The following PITPNC1 variants were observed in gnomAD, a reference collection of about 807,000 sequenced individuals.
The protein encoded by PITPNC1 is cytoplasmic phosphatidylinositol transfer protein 1.
In PITPNC1, 18 loss-of-function variants were observed where a neutral mutation model predicts 44.7. The ratio of observed to expected loss-of-function variants is 0.40; its 90% CI spans 0.28 to 0.60. The LOEUF (loss-of-function observed/expected upper bound fraction) is 0.60. PITPNC1 is among the 20% of genes least tolerant of loss of function. The pLI, the probability that PITPNC1 is intolerant of heterozygous loss-of-function variation, is 0.39. For synonymous variants in PITPNC1, 141 were observed against 149.6 expected (o/e 0.94, Z 0.42); for missense variants, 290 against 418.4 (o/e 0.69, Z 2.68).
intron 1 of PITPNC1, among the ~76,000 whole-genome samples, chr17:67,382,192 T>C (rs1049148713): frequency 6.6e-6 from 1 of 152,224 alleles, no homozygotes; most frequent in Non-Finnish European, 1.5e-5. Flanking sequence ...TTTGACTTGC[T>C]ATAGACGGTA....
intron 5 of PITPNC1, among the ~76,000 whole-genome samples, chr17:67,588,580 C>T (rs140899881): frequency 9.2e-5 from 14 of 152,118 alleles, no homozygotes; most frequent in African/African-American, 3.4e-4. Context: ...GTAGCTGTCT[C>T]GGTTATCACA....
At chr17:67,415,189 A>T (rs1014543644) in intron 1 of PITPNC1, among the ~76,000 whole-genome samples, 1 of 152,130 alleles carries the variant, frequency 6.6e-6, no homozygotes, top group African/African-American at 2.4e-5. Flanking sequence ...CTCTTTGCAC[A>T]TTCTCTTGAT....
intron 5 of PITPNC1, among the ~76,000 whole-genome samples, chr17:67,619,387 GAC>G (rs2041801480): frequency 6.6e-6 from 1 of 152,062 alleles, no homozygotes; most frequent in African/African-American, 2.4e-5. Context: ...CTCCCTTCCC[GAC>G]ACCATGAATA....
intron 1 of PITPNC1, among the ~76,000 whole-genome samples, chr17:67,430,787 C>G (rs1322866084): frequency 2.7e-5 from 4 of 150,762 alleles, no homozygotes; most frequent in Non-Finnish European, 5.9e-5. Context: ...GACCCTGTCT[C>G]TACCAAAAAA....
At chr17:67,565,333 C>T (rs1248379936) in intron 4 of PITPNC1, among the ~76,000 whole-genome samples, 1 of 149,360 alleles carries the variant, frequency 6.7e-6, no homozygotes, top group Non-Finnish European at 1.5e-5. Context: ...CTAGTTTTTC[C>T]ATGTTTTTTC....
intron 1 of PITPNC1, among the ~76,000 whole-genome samples, chr17:67,491,146 C>A (rs996544965): frequency 1.4e-4 from 22 of 152,230 alleles, no homozygotes; most frequent in Non-Finnish European, 2.9e-4. Flanking sequence ...TCGGCTCAGC[C>A]TCTGGAGCCC....
At chr17:67,426,264 G>A (rs11651696) in intron 1 of PITPNC1, among the ~76,000 whole-genome samples, 70,387 of 151,894 alleles carry the variant, frequency 0.46, 16,841 homozygotes, top group Middle Eastern at 0.65. Flanking sequence ...CTGGGTATAT[G>A]CCCTAAGAAA....
At chr17:67,484,399 G>T (rs1477415589) in intron 1 of PITPNC1, among the ~76,000 whole-genome samples, 1 of 152,152 alleles carries the variant, frequency 6.6e-6, no homozygotes, top group East Asian at 1.9e-4. Context: ...GAAAGGTTTT[G>T]TTAGTCCAAA....
chr17:67,663,686 A>C (rs945904785), intron 6 of PITPNC1, among the ~76,000 whole-genome samples: 2 of 152,078 alleles, frequency 1.3e-5, no homozygotes, highest in East Asian at 3.9e-4. Context: ...GCAGTGCTCC[A>C]CTCATTTTAT....
In PITPNC1 at chr17:67,468,593, C is replaced by A. The variant is rs140671321; in HGVS notation, c.49-64209C>A. ...AATTTTTTTGTAGTTTTAGTAGAGA[C>A]GGGGTTTCACCGTGTTAGCCAGGAG... On this transcript the variant is annotated intron_variant, in intron 1 of 8. Transcript: ENST00000581322. 7.8e-4 allele frequency among the ~76,000 whole-genome samples: 118 copies of A among 150,838 alleles called. No homozygotes were observed. The East Asian group carries it at 0.015, about 19-fold the overall frequency.
At chr17:67,651,116 T>G (rs74982933) in intron 6 of PITPNC1, among the ~76,000 whole-genome samples, 159 of 151,600 alleles carry the variant, frequency 1.0e-3, no homozygotes, top group African/African-American at 3.8e-3. Flanking sequence ...TTTTGGTTTG[T>G]TTTTTTTTAA....
chr17:67,542,753 A>G (rs975112186), intron 2 of PITPNC1, among the ~76,000 whole-genome samples: 2 of 152,176 alleles, frequency 1.3e-5, no homozygotes, highest in Non-Finnish European at 2.9e-5. Context: ...CCTTACATCA[A>G]TCTGTATGGG....
chr17:67,504,595 C>T lies in PITPNC1; in HGVS notation c.49-28207C>T, dbSNP rs371960070. Among the ~76,000 whole-genome samples the T allele has an allele frequency of 2.6e-5, 4 of 152,316 alleles. No homozygotes were observed. The East Asian group carries it at 5.8e-4, about 22-fold the overall frequency. On this transcript the variant is annotated intron_variant, in intron 1 of 8. Coordinates refer to ENST00000581322, the MANE Select transcript of PITPNC1 (RefSeq NM_012417.4). Reference sequence around the variant, plus strand: ...AAACGTTTTGACAAAGCAATGCTTACGATATTTTTCAATATCAGGGGAATT... The same window carrying T: ...AAACGTTTTGACAAAGCAATGCTTATGATATTTTTCAATATCAGGGGAATT...
In PITPNC1 at chr17:67,425,191, GCGCA is replaced by G. The variant is rs1224375549; in HGVS notation, c.48+46995_48+46998del. 7.8e-4 allele frequency among the ~76,000 whole-genome samples: 30 copies of G among 38,630 alleles called. 2 individuals are homozygous for G. The South Asian group carries it at 0.011, about 14-fold the overall frequency. The allele number at this position is 38,630 out of a possible 152,430, so 25.3% of individuals were successfully genotyped here. ...TGAAATAAACAGCCATGTTGTGCGC[GCGCA>G]CGCACACGCACACACACACACACAC... On this transcript the variant is annotated intron_variant, in intron 1 of 8. Coordinates refer to ENST00000581322, the MANE Select transcript of PITPNC1 (RefSeq NM_012417.4).
At chr17:67,602,238 A>G (rs143076594) in intron 5 of PITPNC1, among the ~76,000 whole-genome samples, 1 of 152,316 alleles carries the variant, frequency 6.6e-6, no homozygotes, top group African/African-American at 2.4e-5. Flanking sequence ...GAAGGTCAAA[A>G]TGAGCTTTGG....
chr17:67,477,394 A>AT (rs1423700403), intron 1 of PITPNC1, among the ~76,000 whole-genome samples: 6 of 151,898 alleles, frequency 4.0e-5, no homozygotes, highest in Non-Finnish European at 8.8e-5. Context: ...TTACAGGCAT[A>AT]TGCCACTACA....
intron 5 of PITPNC1, among the ~76,000 whole-genome samples, chr17:67,628,087 C>T (rs576155241): frequency 9.2e-5 from 14 of 152,086 alleles, no homozygotes; most frequent in African/African-American, 2.4e-4. Context: ...CCACCACACC[C>T]GGCTGGGGTT....
At chr17:67,628,953 G>T (rs958577360) in intron 5 of PITPNC1, among the ~76,000 whole-genome samples, 1 of 152,174 alleles carries the variant, frequency 6.6e-6, no homozygotes, top group Non-Finnish European at 1.5e-5. Flanking sequence ...GAGGCTCACT[G>T]TAAAGGAGAA....
At position 67,395,185 on chromosome 17, in the gene PITPNC1, A is replaced by G. The variant is rs576631134; in HGVS notation, c.48+16983A>G. 2.1e-5 allele frequency among the ~76,000 whole-genome samples: 3 copies of G among 142,356 alleles called. No individual in the cohort carries two copies. The East Asian group carries it at 6.0e-4, about 28-fold the overall frequency. The allele number at this position is 142,356 out of a possible 152,430, so 93.4% of individuals were successfully genotyped here. A position where few individuals can be genotyped will look rare whatever the true frequency, so the allele number is the denominator to read the frequency against. On this transcript the variant is annotated intron_variant, in intron 1 of 8. Transcript: ENST00000581322. ...CAGGTTTTTTCTTTTTTTTTTTTTT[A>G]GAGATAGGGTCCCACTCTGTTGCCC...
Sources: gnomAD v4.1 joint callset for allele counts (sites outside exome capture counted in the v4.1 genomes callset) on GRCh38, gnomAD v4.1.1 for gene constraint, MANE v1.5 for transcripts, NCBI Gene and HGNC (gene_info 2026-07-23, HGNC 2026-07-21) for gene names.